RAPGEF1: variants seen among roughly 807,000 people sequenced by gnomAD.
RAPGEF1 encodes the protein Rap guanine nucleotide exchange factor 1, also known as CRK SH3-binding GNRP.
Under a neutral mutation model 143.3 loss-of-function variants are expected in RAPGEF1, and 33 were observed. That is an observed-to-expected ratio of 0.23 (90% confidence interval 0.17 to 0.31). The LOEUF (loss-of-function observed/expected upper bound fraction) is 0.31. Among genes scored for constraint, RAPGEF1 ranks in the 10% least tolerant of loss-of-function variants. The pLI is 1.00. For missense variants in RAPGEF1, 1,199 were observed against 1,645.4 expected, an observed-to-expected ratio of 0.73 and a Z score of 4.69; for synonymous variants, 629 against 676.5, an observed-to-expected ratio of 0.93 and a Z score of 1.09.
intron 22 of RAPGEF1, among the ~76,000 whole-genome samples, chr9:131,587,409 C>T (rs905597569): frequency 6.6e-6 from 1 of 152,260 alleles, no homozygotes; most frequent in African/African-American, 2.4e-5. Flanking sequence ...TCAGTGTGAG[C>T]ATCAGCTTGA....
intron 12 of RAPGEF1, among the ~76,000 whole-genome samples, chr9:131,605,891 T>C (rs994724284): frequency 2.6e-5 from 4 of 151,768 alleles, no homozygotes; most frequent in African/African-American, 9.7e-5. Context: ...CTGGGCAACA[T>C]GGCAAAACCC....
Position 131,629,745 on chromosome 9 carries a change from C to T in RAPGEF1, c.740+491G>A, listed in dbSNP as rs146273452. Among the ~76,000 whole-genome samples the T allele has an allele frequency of 3.6e-3, 549 of 152,004 alleles. 5 individuals carry two copies. Among genetic ancestry groups the T allele is most frequent in the African/African-American group, 0.013 (522 of 41,436 alleles). ...GGAGGAGGCTGCAATGAGCCCAGAT[C>T]GCACCACTGCACTCCAGCCTGAGCC... On this transcript the variant is annotated intron_variant, in intron 6 of 26. Transcript: ENST00000683357.
chr9:131,580,492 C>A, intron 25 of RAPGEF1, 101 bp from the exon 26 acceptor site: 1 of 1,378,068 alleles, frequency 7.3e-7, no homozygotes, highest in Non-Finnish European at 9.9e-7. Context: ...GAGCAGCTTC[C>A]AAACCCCAGA....
intron 1 of RAPGEF1, among the ~76,000 whole-genome samples, chr9:131,680,199 T>C (rs1030909099): frequency 3.3e-5 from 5 of 152,114 alleles, no homozygotes; most frequent in Admixed American, 1.3e-4. Context: ...TATATTGGGG[T>C]TCAATATGCT....
At position 131,587,720 on chromosome 9, in the gene RAPGEF1, G is replaced by T; in HGVS notation, c.3233+16C>A. The T allele has an allele frequency of 1.2e-6, 2 of 1,609,534 alleles. No individual in the cohort carries two copies. Among genetic ancestry groups the T allele is most frequent in the Non-Finnish European group, 1.7e-6 (2 of 1,177,330 alleles). On this transcript the variant is annotated intron_variant, in intron 22 of 26. Coordinates refer to ENST00000683357, the MANE Select transcript of RAPGEF1 (RefSeq NM_001377935.1). ...ACCATCCAGAGCAACAGGGCTTGGC[G>T]CTGGGCCTCTCTTACCAGTAGGACA...
In RAPGEF1 at chr9:131,597,788, GCC is replaced by G. The variant is rs142414859; in HGVS notation, c.2613+409_2613+410del. The stretch of plus-strand genomic sequence containing the variant: ...GCTGGTCTTGAACGCCTGGACTCAA[GCC>G]ATTCCCCTGCCTCTGTCTCCCAGAC... On this transcript the variant is annotated intron_variant, in intron 16 of 26. Transcript: ENST00000683357. 5.8e-3 allele frequency among the ~76,000 whole-genome samples: 880 copies of G among 152,242 alleles called. 7 individuals carry two copies. The highest frequency in any genetic ancestry group is 0.019 in the African/African-American group (803 of 41,542).
chr9:131,647,410 G>A (rs1331582093), intron 3 of RAPGEF1, among the ~76,000 whole-genome samples: 1 of 152,206 alleles, frequency 6.6e-6, no homozygotes, highest in East Asian at 1.9e-4. Flanking sequence ...GGGCGAGAAG[G>A]AGCCCTCGGG....
chr9:131,604,785 C>T, intron 13 of RAPGEF1, 146 bp downstream of exon 13: 1 of 1,138,174 alleles, frequency 8.8e-7, no homozygotes, highest in Non-Finnish European at 1.1e-6. Context: ...ATGCTGCCAG[C>T]AGGTGTGCGC....
chr9:131,623,552 G>A (rs1267795642), intron 10 of RAPGEF1, among the ~76,000 whole-genome samples: 1 of 152,254 alleles, frequency 6.6e-6, no homozygotes, highest in Non-Finnish European at 1.5e-5. Context: ...CAGAACAGCA[G>A]TGATGCTCCC....
rs555382522 is a variant in RAPGEF1, at chr9:131,661,370, A to C, written c.62-10421T>G. On this transcript the variant is annotated intron_variant, in intron 1 of 26. Transcript: ENST00000683357. ...ACGATTCCATTTATATAAATGCAAA[A>C]ACAGACAAATTTAATCTATTATTTG... is the stretch of plus-strand genomic sequence containing the variant. Among the ~76,000 whole-genome samples, 3 of 152,284 alleles carry C rather than the reference A, an allele frequency of 2.0e-5. No homozygotes were observed. The East Asian group carries it at 5.8e-4, about 29-fold the overall frequency.
intron 12 of RAPGEF1, among the ~76,000 whole-genome samples, chr9:131,617,829 C>T (rs1959243074): frequency 6.6e-6 from 1 of 152,214 alleles, no homozygotes; most frequent in Non-Finnish European, 1.5e-5. Flanking sequence ...TGCCCAAGGC[C>T]AAACTTCTTT....
At chr9:131,614,062 G>C (rs537467351) in intron 12 of RAPGEF1, among the ~76,000 whole-genome samples, 1 of 152,124 alleles carries the variant, frequency 6.6e-6, no homozygotes, top group Non-Finnish European at 1.5e-5. Flanking sequence ...TGGGGACAGC[G>C]GCACAGTCCT....
At chr9:131,589,047 T>C in intron 19 of RAPGEF1, 61 bp from the exon 20 acceptor site, 1 of 1,533,074 alleles carries the variant, frequency 6.5e-7, no homozygotes, top group Non-Finnish European at 8.9e-7. Context: ...AGAGTCTGTC[T>C]TTGCCTTGAG....
In RAPGEF1 at chr9:131,604,885, G is replaced by GT. The variant is rs1956852235; in HGVS notation, c.2319+45_2319+46insA. 1.9e-5 allele frequency: 23 copies of GT among 1,192,782 alleles called. No individual in the cohort carries two copies. The African/African-American group carries it at 3.0e-4, about 16-fold the overall frequency. The allele number at this position is 1,192,782 out of a possible 1,614,324, so 73.9% of individuals were successfully genotyped here. A position where few individuals can be genotyped will look rare whatever the true frequency, so the allele number is the denominator to read the frequency against. On this transcript the variant is annotated intron_variant, in intron 13 of 26. Coordinates refer to ENST00000683357, the MANE Select transcript of RAPGEF1 (RefSeq NM_001377935.1). ...AAAAACGTGCAGCCCCATGTGCAGG[G>GT]GTGTGTGTGTGTGTGTGTGTGTGTG...
At chr9:131,723,193 CAAATAAAT>C (rs900235263) in intron 1 of RAPGEF1, among the ~76,000 whole-genome samples, 7 of 151,618 alleles carry the variant, frequency 4.6e-5, no homozygotes, top group East Asian at 1.9e-4. Flanking sequence ...GACTCCGTCT[CAAATAAAT>C]AAATAAATAA....
chr9:131,647,904 T>C (rs995687097), intron 3 of RAPGEF1, among the ~76,000 whole-genome samples: 30 of 152,272 alleles, frequency 2.0e-4, no homozygotes, highest in African/African-American at 7.0e-4. Context: ...CTGTGTATTG[T>C]AGGATGTTTA....
At chr9:131,585,678 G>A (rs988895867) in intron 22 of RAPGEF1, among the ~76,000 whole-genome samples, 1 of 152,032 alleles carries the variant, frequency 6.6e-6, no homozygotes, top group Admixed American at 6.6e-5. Context: ...CTGTGGGGAG[G>A]AAGATAGGCA....
At chr9:131,704,849 G>A (rs1834930856) in intron 1 of RAPGEF1, among the ~76,000 whole-genome samples, 1 of 152,114 alleles carries the variant, frequency 6.6e-6, no homozygotes, top group African/African-American at 2.4e-5. Flanking sequence ...AGGATTATAA[G>A]CCTATTTCAG....
At chr9:131,703,639 C>T (rs1487318829) in intron 1 of RAPGEF1, among the ~76,000 whole-genome samples, 1 of 152,180 alleles carries the variant, frequency 6.6e-6, no homozygotes, top group East Asian at 1.9e-4. Context: ...TCCACCCTGG[C>T]ACCTGGGCTC....
Sources: gnomAD v4.1 joint callset for allele counts (sites outside exome capture counted in the v4.1 genomes callset) on GRCh38, gnomAD v4.1.1 for gene constraint, MANE v1.5 for transcripts, NCBI Gene and HGNC (gene_info 2026-07-23, HGNC 2026-07-21) for gene names.